The following SEZ6L variants were observed in gnomAD, a reference collection of about 807,000 sequenced individuals.
The protein encoded by SEZ6L is seizure related 6 homolog like, also known as seizure 6-like protein.
SEZ6L carries 37 observed loss-of-function variants against 106.2 expected under a neutral mutation model. That is an observed-to-expected ratio of 0.35 (90% CI 0.27 to 0.46). SEZ6L has a LOEUF of 0.46. Ranked by LOEUF, SEZ6L falls within the 20% of genes least tolerant of loss-of-function variation. SEZ6L has a pLI of 1.00. For synonymous variants in SEZ6L, 541 were observed against 570.4 expected (o/e 0.95, Z 0.73); for missense variants, 1,172 against 1,332.8 (o/e 0.88, Z 1.88).
chr22:26,313,600 ACACG>A (rs5844687), intron 8 of SEZ6L, among the ~76,000 whole-genome samples, 160 bp from the exon 9 acceptor site: 22,070 of 62,218 alleles, frequency 0.35, 1,840 homozygotes, highest in South Asian at 0.38. Flanking sequence ...ACACACACAC[ACACG>A]CACACACACA....
At chr22:26,255,237 T>C (rs1348019722) in intron 1 of SEZ6L, among the ~76,000 whole-genome samples, 1 of 152,172 alleles carries the variant, frequency 6.6e-6, no homozygotes, top group East Asian at 1.9e-4. Context: ...TGTGAAGGCA[T>C]CTTAAGACTT....
intron 13 of SEZ6L, among the ~76,000 whole-genome samples, chr22:26,366,005 T>C (rs1327142764): frequency 6.6e-6 from 1 of 152,214 alleles, no homozygotes; most frequent in East Asian, 1.9e-4. Context: ...CACAATGTCT[T>C]CTCCTGGCTT....
chr22:26,313,598 A>G (rs1050393706), intron 8 of SEZ6L, among the ~76,000 whole-genome samples, 166 bp from the exon 9 acceptor site: 2 of 89,858 alleles, frequency 2.2e-5, no homozygotes, highest in Non-Finnish European at 4.3e-5. Flanking sequence ...ACACACACAC[A>G]CACACGCACA....
chr22:26,357,312 G>A (rs973476320), intron 12 of SEZ6L, among the ~76,000 whole-genome samples: 4 of 152,118 alleles, frequency 2.6e-5, no homozygotes, highest in African/African-American at 9.7e-5. Flanking sequence ...GGGTCACCTT[G>A]GTGAAAGTTT....
intron 9 of SEZ6L, among the ~76,000 whole-genome samples, chr22:26,336,290 CT>C (rs1287119546): frequency 6.6e-6 from 1 of 152,128 alleles, no homozygotes; most frequent in Non-Finnish European, 1.5e-5. Context: ...ACCCCAGCTC[CT>C]TCTCCCTATG....
intron 12 of SEZ6L, among the ~76,000 whole-genome samples, chr22:26,362,512 C>G (rs561964278): frequency 6.6e-6 from 1 of 152,320 alleles, no homozygotes; most frequent in African/African-American, 2.4e-5. Context: ...ATGGCACCTG[C>G]CATTTTTAAT....
chr22:26,254,804 G>T (rs1263342558), intron 1 of SEZ6L, among the ~76,000 whole-genome samples: 2 of 152,114 alleles, frequency 1.3e-5, no homozygotes, highest in Non-Finnish European at 2.9e-5. Context: ...AATGAGGAGG[G>T]TCTAGAATAC....
chr22:26,207,021 T>G (rs1349782642), intron 1 of SEZ6L, among the ~76,000 whole-genome samples: 1 of 152,226 alleles, frequency 6.6e-6, no homozygotes, highest in Non-Finnish European at 1.5e-5. Flanking sequence ...TTAATGCATC[T>G]AAAATTTTGT....
At position 26,380,564 on chromosome 22, in the gene SEZ6L, C is replaced by T. The variant is rs1231887072; in HGVS notation, c.*269C>T. 2 of 383,592 alleles carry T rather than the reference C, an allele frequency of 5.2e-6. No individual in the cohort carries two copies. Among genetic ancestry groups the T allele is most frequent in the Non-Finnish European group, 9.5e-6 (2 of 210,880 alleles). The allele number at this position is 383,592 out of a possible 1,614,324, so 23.8% of individuals were successfully genotyped here. A position where few individuals can be genotyped will look rare whatever the true frequency, so the allele number is the denominator to read the frequency against. Reference sequence around the variant, plus strand: ...GTGGAAGACTTGCAAAATGGCAAACCGCGGCAGCAAAAACACAAAACAGCA... The same window carrying T: ...GTGGAAGACTTGCAAAATGGCAAACTGCGGCAGCAAAAACACAAAACAGCA... On this transcript the variant is annotated 3_prime_UTR_variant, in exon 17 of 17. Transcript: ENST00000248933.
At chr22:26,366,215 T>C (rs867551250) in intron 13 of SEZ6L, among the ~76,000 whole-genome samples, 55 of 152,088 alleles carry the variant, frequency 3.6e-4, no homozygotes, top group African/African-American at 1.3e-3. Context: ...ATGCCTGAAG[T>C]CCCAGCTACT....
intron 1 of SEZ6L, among the ~76,000 whole-genome samples, chr22:26,253,269 T>C (rs2079669946): frequency 6.6e-6 from 1 of 152,204 alleles, no homozygotes; most frequent in Admixed American, 6.5e-5. Context: ...CAGAAGGGCA[T>C]CACCAGCATA....
intron 12 of SEZ6L, among the ~76,000 whole-genome samples, chr22:26,354,838 G>A (rs1364441356): frequency 1.3e-5 from 2 of 152,168 alleles, no homozygotes; most frequent in Admixed American, 6.5e-5. Flanking sequence ...AGTAGAGACG[G>A]CTTCCCTTAC....
intron 9 of SEZ6L, among the ~76,000 whole-genome samples, chr22:26,334,853 C>T (rs1286680956): frequency 6.6e-6 from 1 of 152,064 alleles, no homozygotes; most frequent in Non-Finnish European, 1.5e-5. Flanking sequence ...CAGGATCCTC[C>T]CAGAAGGGAT....
chr22:26,267,616 G>A (rs1385790730), intron 1 of SEZ6L, among the ~76,000 whole-genome samples: 1 of 152,224 alleles, frequency 6.6e-6, no homozygotes, highest in Non-Finnish European at 1.5e-5. Context: ...TTTTCTGTTT[G>A]CTGCAGGATT....
chr22:26,319,686 C>A (rs766616387), intron 9 of SEZ6L, among the ~76,000 whole-genome samples: 1 of 152,186 alleles, frequency 6.6e-6, no homozygotes, highest in Non-Finnish European at 1.5e-5. Context: ...TAACACACTA[C>A]GCATTGTGGT....
intron 9 of SEZ6L, among the ~76,000 whole-genome samples, chr22:26,324,474 G>A (rs2082251387): frequency 6.6e-6 from 1 of 152,148 alleles, no homozygotes; most frequent in Non-Finnish European, 1.5e-5. Flanking sequence ...AAAATTAAGT[G>A]CCTTGTCCAG....
Position 26,364,427 on chromosome 22 carries a change from A to T in SEZ6L, c.2600-945A>T, listed in dbSNP as rs1450348231. Among the ~76,000 whole-genome samples, 3 of 11,500 alleles carry T rather than the reference A, an allele frequency of 2.6e-4. No homozygotes were observed. The African/African-American group carries it at 6.5e-3, about 25-fold the overall frequency. 7.5% of individuals were successfully genotyped at this position (11,500 alleles called of 152,430 possible). ...ATGGCAAGACCCTGTCTCTACTTTA[A>T]AAAAAAAAAAAAAAAAAAAGCCGAG... On this transcript the variant is annotated intron_variant, in intron 12 of 16. Transcript: ENST00000248933.
At chr22:26,328,187 C>T (rs138728224) in intron 9 of SEZ6L, among the ~76,000 whole-genome samples, 99 of 152,296 alleles carry the variant, frequency 6.5e-4, no homozygotes, top group African/African-American at 2.1e-3. Context: ...TGGGAAGCCT[C>T]TTGTCCAGTC....
intron 1 of SEZ6L, among the ~76,000 whole-genome samples, chr22:26,232,215 T>C (rs558778757): frequency 4.6e-5 from 7 of 152,212 alleles, no homozygotes; most frequent in African/African-American, 1.7e-4. Context: ...AGAGCAACTA[T>C]AGCACCAGGA....
Sources: gnomAD v4.1 joint callset for allele counts (sites outside exome capture counted in the v4.1 genomes callset) on GRCh38, gnomAD v4.1.1 for gene constraint, MANE v1.5 for transcripts, NCBI Gene and HGNC (gene_info 2026-07-23, HGNC 2026-07-21) for gene names.